Variants in ZNF608 observed in about 807,000 individuals in gnomAD.
The protein encoded by ZNF608 is zinc finger protein 608, also known as renal carcinoma antigen NY-REN-36.
In ZNF608, 12 loss-of-function variants were observed where a neutral mutation model predicts 109.0. The ratio of observed to expected loss-of-function variants is 0.11; its 90% CI spans 0.07 to 0.18. The LOEUF is 0.18. ZNF608 is among the 10% of genes least tolerant of loss of function. The pLI is 1.00. For synonymous variants in ZNF608, 732 were observed against 717.4 expected (o/e 1.02, Z -0.33); for missense variants, 1,707 against 1,879.3 (o/e 0.91, Z 1.70).
chr5:124,715,081 C>G (rs1458321926), intron 2 of ZNF608, among the ~76,000 whole-genome samples: 1 of 152,092 alleles, frequency 6.6e-6, no homozygotes, highest in Non-Finnish European at 1.5e-5. Flanking sequence ...AGGGGTACTT[C>G]AAGAATCAAA....
intron 3 of ZNF608, among the ~76,000 whole-genome samples, chr5:124,660,724 T>C (rs1751222507): frequency 6.6e-6 from 1 of 152,166 alleles, no homozygotes; most frequent in Non-Finnish European, 1.5e-5. Flanking sequence ...TAAGATGTGA[T>C]TTATGTAAAG....
At chr5:124,686,490 T>G (rs932942948) in intron 3 of ZNF608, among the ~76,000 whole-genome samples, 1 of 152,226 alleles carries the variant, frequency 6.6e-6, no homozygotes, top group Admixed American at 6.5e-5. Context: ...CCAGTCCCAG[T>G]TGTGGCTCTT....
chr5:124,693,972 A>ATGTTTTTTT (rs1561564262), intron 3 of ZNF608, among the ~76,000 whole-genome samples: 1 of 23,300 alleles, frequency 4.3e-5, no homozygotes, highest in African/African-American at 2.3e-4. Context: ...CATTTCATTA[A>ATGTTTTTTT]TCTTTTTTTT....
At chr5:124,685,527 T>C (rs1752372089) in intron 3 of ZNF608, among the ~76,000 whole-genome samples, 1 of 151,954 alleles carries the variant, frequency 6.6e-6, no homozygotes, top group South Asian at 2.1e-4. Flanking sequence ...GCATACCCAC[T>C]GGTAGAGTAT....
intron 3 of ZNF608, among the ~76,000 whole-genome samples, chr5:124,680,712 CTT>C (rs1288757525): frequency 6.6e-6 from 1 of 152,046 alleles, no homozygotes; most frequent in Non-Finnish European, 1.5e-5. Flanking sequence ...AAAAAAGAAA[CTT>C]AGACGAATTA....
chr5:124,728,691 T>C (rs1748742775), intron 2 of ZNF608, among the ~76,000 whole-genome samples: 1 of 152,214 alleles, frequency 6.6e-6, no homozygotes, highest in African/African-American at 2.4e-5. Flanking sequence ...TACATTTAGC[T>C]CATTCTCTAT....
rs578179345 is a variant in ZNF608, at chr5:124,719,023, A to G, written c.907-17754T>C. On this transcript the variant is annotated intron_variant, in intron 2 of 9. Transcript: ENST00000513986. ...TGCCTTCCACCAATATGTAACTAAG[A>G]GAAACTACTAGTACGGACCTGCACA... Among the ~76,000 whole-genome samples, 9 of 152,362 alleles carry G rather than the reference A, an allele frequency of 5.9e-5. No homozygotes were observed. The East Asian group carries it at 1.7e-3, about 29-fold the overall frequency.
chr5:124,687,905 G>A (rs1283187383), intron 3 of ZNF608, among the ~76,000 whole-genome samples: 1 of 152,160 alleles, frequency 6.6e-6, no homozygotes, highest in East Asian at 1.9e-4. Context: ...GGAAATAAAA[G>A]TAGCAGGGGG....
At chr5:124,737,064 C>T (rs1281876909) in intron 2 of ZNF608, among the ~76,000 whole-genome samples, 2 of 152,144 alleles carry the variant, frequency 1.3e-5, no homozygotes, top group East Asian at 1.9e-4. Flanking sequence ...AAAGAAAACA[C>T]ATCAAAACCT....
chr5:124,660,661 T>G (rs1157816620), intron 3 of ZNF608, among the ~76,000 whole-genome samples: 1 of 152,156 alleles, frequency 6.6e-6, no homozygotes, highest in East Asian at 1.9e-4. Context: ...AACCTAAACC[T>G]ACCTGAGCCT....
chr5:124,664,444 AAC>A (rs1751395114), intron 3 of ZNF608, among the ~76,000 whole-genome samples: 1 of 152,270 alleles, frequency 6.6e-6, no homozygotes, highest in Non-Finnish European at 1.5e-5. Context: ...CTAGGCAGTT[AAC>A]ATTTTTGTTA....
chr5:124,689,251 A>G (rs1752513411), intron 3 of ZNF608, among the ~76,000 whole-genome samples: 1 of 152,164 alleles, frequency 6.6e-6, no homozygotes, highest in African/African-American at 2.4e-5. Context: ...ACTGCACTCC[A>G]GTTTGGGCAA....
At chr5:124,707,918 A>G (rs1437797279) in intron 2 of ZNF608, 1 of 152,240 alleles carries the variant, frequency 6.6e-6, no homozygotes, top group South Asian at 2.1e-4. Context: ...TGTGATGGAG[A>G]CAACTCTTCC....
intron 2 of ZNF608, chr5:124,710,572 T>C (rs1753450057): frequency 1.2e-5 from 2 of 172,400 alleles, no homozygotes; most frequent in African/African-American, 4.8e-5. Flanking sequence ...GACACTATCT[T>C]GGTACCACTC....
intron 3 of ZNF608, among the ~76,000 whole-genome samples, chr5:124,651,867 C>A (rs1043477930): frequency 6.6e-6 from 1 of 152,226 alleles, no homozygotes; most frequent in African/African-American, 2.4e-5. Context: ...GCGCGCTGGC[C>A]GTGCGGGGCT....
chr5:124,731,929 A>T (rs1274820455), intron 2 of ZNF608, among the ~76,000 whole-genome samples: 1 of 152,230 alleles, frequency 6.6e-6, no homozygotes, highest in Non-Finnish European at 1.5e-5. Context: ...ATCAGGAATG[A>T]GCAATGGCAC....
intron 2 of ZNF608, among the ~76,000 whole-genome samples, chr5:124,706,918 G>C (rs1284411897): frequency 6.6e-6 from 1 of 150,972 alleles, no homozygotes; most frequent in Non-Finnish European, 1.5e-5. Flanking sequence ...AGCATGGGAG[G>C]GGGAGCAGGG....
chr5:124,702,718 T>C (rs1401828827), intron 2 of ZNF608, among the ~76,000 whole-genome samples: 1 of 152,140 alleles, frequency 6.6e-6, no homozygotes, highest in African/African-American at 2.4e-5. Context: ...CTTTCACCCA[T>C]CTGCATGTTA....
At chr5:124,645,347 C>T (rs1750448214) in intron 5 of ZNF608, among the ~76,000 whole-genome samples, 1 of 152,150 alleles carries the variant, frequency 6.6e-6, no homozygotes, top group African/African-American at 2.4e-5. Context: ...CTTCTGCAGC[C>T]CTGTGAATTG....
Sources: allele counts gnomAD v4.1 joint callset (sites outside exome capture counted in the v4.1 genomes callset), GRCh38; gene constraint gnomAD v4.1.1; transcripts MANE v1.5; gene names NCBI Gene and HGNC (gene_info 2026-07-23, HGNC 2026-07-21).